The following ROBO1 variants were observed in gnomAD, a reference collection of about 807,000 sequenced individuals.
ROBO1 encodes the protein roundabout homolog 1.
A neutral mutation model predicts 195.9 loss-of-function variants in ROBO1; 149 were observed. The observed-to-expected ratio is 0.76, with a 90% confidence interval of 0.67 to 0.87. The LOEUF is 0.87. ROBO1 is among the 40% of genes least tolerant of loss of function. ROBO1 has a pLI of 0.00. For missense variants in ROBO1, 1,933 were observed against 2,068.3 expected, an observed-to-expected ratio of 0.93 and a Z score of 1.27; for synonymous variants, 816 against 733.2, an observed-to-expected ratio of 1.11 and a Z score of -1.82.
At chr3:78,712,048 A>C (rs893879287) in intron 8 of ROBO1, among the ~76,000 whole-genome samples, 12 of 131,218 alleles carry the variant, frequency 9.1e-5, no homozygotes, top group Non-Finnish European at 1.5e-4. Flanking sequence ...AAAAAAAAAA[A>C]AACTCTCAAA....
At chr3:79,372,060 T>G (rs2036214615) in intron 2 of ROBO1, among the ~76,000 whole-genome samples, 1 of 152,120 alleles carries the variant, frequency 6.6e-6, no homozygotes, top group Non-Finnish European at 1.5e-5. Context: ...CCGCAGCTGA[T>G]CTGACAGGAG....
At chr3:79,349,853 G>A (rs2035272268) in intron 2 of ROBO1, among the ~76,000 whole-genome samples, 1 of 151,992 alleles carries the variant, frequency 6.6e-6, no homozygotes, top group African/African-American at 2.4e-5. Context: ...ATTCTTAAAG[G>A]AAACAAACAG....
chr3:79,755,669 A>C (rs182673022), intron 1 of ROBO1, among the ~76,000 whole-genome samples: 8 of 152,334 alleles, frequency 5.3e-5, no homozygotes, highest in African/African-American at 1.9e-4. Context: ...TAAGAAGAAA[A>C]AAAAACAAGA....
intron 3 of ROBO1, among the ~76,000 whole-genome samples, chr3:78,989,777 C>T (rs2077193077): frequency 6.6e-6 from 1 of 151,970 alleles, no homozygotes; most frequent in Middle Eastern, 3.2e-3. Flanking sequence ...TCATTGTTGA[C>T]TATTCACTAA....
In ROBO1 at chr3:78,627,531, C is replaced by T. The variant is rs780304776; in HGVS notation, c.3665G>A (p.Arg1222Lys). 3.1e-6 allele frequency: 5 copies of T among 1,613,240 alleles called. No individual in the cohort carries two copies. The African/African-American group carries it at 5.3e-5, about 17-fold the overall frequency. Reference protein sequence around the residue: ...QEMPCPVPPARMYLQQDELEE... With the variant: ...QEMPCPVPPAKMYLQQDELEE... ...TAATTCATCTTGTTGCAAATACATC[C>T]TTGCTGGTGGCACGGGACATGGCAT... The change falls in exon 26 of 31, where the codon AGG (arginine) becomes AAG (lysine). Residue 1222 changes from arginine (R) to lysine (K), a missense_variant. Coordinates refer to ENST00000464233, the MANE Select transcript of ROBO1 (RefSeq NM_002941.4).
At chr3:79,001,532 T>C (rs949760847) in intron 3 of ROBO1, among the ~76,000 whole-genome samples, 12 of 152,108 alleles carry the variant, frequency 7.9e-5, no homozygotes, top group Non-Finnish European at 1.8e-4. Context: ...CCAGAAATCT[T>C]TGACTTATGG....
intron 1 of ROBO1, among the ~76,000 whole-genome samples, chr3:79,767,335 A>T (rs765577912): frequency 6.6e-6 from 1 of 152,102 alleles, no homozygotes; most frequent in Non-Finnish European, 1.5e-5. Flanking sequence ...GCATCCCTAG[A>T]GCAAATTCCG....
intron 1 of ROBO1, among the ~76,000 whole-genome samples, chr3:79,630,730 A>G (rs1186824436): frequency 6.6e-6 from 1 of 151,972 alleles, no homozygotes; most frequent in Non-Finnish European, 1.5e-5. Context: ...TAACCAGAAA[A>G]CTAAATACTC....
At chr3:79,112,804 C>A (rs906726070) in intron 3 of ROBO1, among the ~76,000 whole-genome samples, 4 of 151,830 alleles carry the variant, frequency 2.6e-5, no homozygotes, top group Non-Finnish European at 5.9e-5. Context: ...AGGAGATATA[C>A]CTAATGGTAA....
At chr3:79,351,809 T>A (rs2035354368) in intron 2 of ROBO1, among the ~76,000 whole-genome samples, 1 of 152,178 alleles carries the variant, frequency 6.6e-6, no homozygotes, top group Admixed American at 6.5e-5. Flanking sequence ...TTTTTCTTTT[T>A]AAAGAACCAA....
intron 3 of ROBO1, among the ~76,000 whole-genome samples, chr3:79,122,274 C>G (rs1336471856): frequency 6.6e-6 from 1 of 151,972 alleles, no homozygotes; most frequent in Non-Finnish European, 1.5e-5. Flanking sequence ...AGAAATGGGC[C>G]ACTTCACTGT....
At chr3:78,774,315 GTT>G (rs780313619) in intron 4 of ROBO1, among the ~76,000 whole-genome samples, 1 of 146,364 alleles carries the variant, frequency 6.8e-6, no homozygotes, top group African/African-American at 2.5e-5. Flanking sequence ...TTTGCTAAAA[GTT>G]TTTTTTTTTT....
At chr3:79,243,568 AT>A (rs2082564454) in intron 2 of ROBO1, among the ~76,000 whole-genome samples, 1 of 151,960 alleles carries the variant, frequency 6.6e-6, no homozygotes. Flanking sequence ...TTTGATTTGC[AT>A]TTCTCTGATG....
chr3:79,715,521 A>G (rs1302642667), intron 1 of ROBO1, among the ~76,000 whole-genome samples: 1 of 152,132 alleles, frequency 6.6e-6, no homozygotes, highest in Admixed American at 6.6e-5. Context: ...TTTAGAAATA[A>G]TGCTCTTGCA....
intron 2 of ROBO1, among the ~76,000 whole-genome samples, chr3:79,573,822 A>C (rs1430091912): frequency 6.6e-6 from 1 of 152,168 alleles, no homozygotes; most frequent in South Asian, 2.1e-4. Context: ...TCAATCAAAA[A>C]CCCAAGATAT....
chr3:78,848,612 T>G (rs1223516977), intron 4 of ROBO1, among the ~76,000 whole-genome samples: 1 of 151,988 alleles, frequency 6.6e-6, no homozygotes, highest in African/African-American at 2.4e-5. Context: ...ACGCAGAAGG[T>G]GTCCTGCAAG....
At chr3:78,635,474 T>C (rs977390173) in intron 23 of ROBO1, among the ~76,000 whole-genome samples, 22 of 152,164 alleles carry the variant, frequency 1.4e-4, no homozygotes, top group Non-Finnish European at 2.8e-4. Flanking sequence ...ATTGTGACAG[T>C]TGTACATCTG....
At chr3:79,690,804 G>C (rs1947276498) in intron 1 of ROBO1, among the ~76,000 whole-genome samples, 1 of 151,678 alleles carries the variant, frequency 6.6e-6, no homozygotes, top group Admixed American at 6.6e-5. Context: ...CAGATCTCAG[G>C]TGCTCCATCT....
At chr3:79,751,617 A>G (rs1392869204) in intron 1 of ROBO1, among the ~76,000 whole-genome samples, 3 of 152,204 alleles carry the variant, frequency 2.0e-5, no homozygotes, top group East Asian at 3.8e-4. Context: ...CAAGTGAAGT[A>G]TAAGATCATT....
Sources: gnomAD v4.1 joint callset for allele counts (sites outside exome capture counted in the v4.1 genomes callset) on GRCh38, gnomAD v4.1.1 for gene constraint, MANE v1.5 for transcripts, NCBI Gene and HGNC (gene_info 2026-07-23, HGNC 2026-07-21) for gene names.